The following DST variants were observed in gnomAD, a reference collection of about 807,000 sequenced individuals.
The protein encoded by DST is dystonin, also known as bullous pemphigoid antigen.
Under a neutral mutation model 875.2 loss-of-function variants are expected in DST, and 253 were observed. The ratio of observed to expected loss-of-function variants is 0.29; its 90% CI spans 0.26 to 0.32. The LOEUF (loss-of-function observed/expected upper bound fraction) is 0.32. DST is among the 10% of genes least tolerant of loss of function. The pLI, the probability that DST is intolerant of heterozygous loss-of-function variation, is 1.00. For missense variants in DST, 8,287 were observed against 9,111.6 expected (o/e 0.91, Z 3.68); for synonymous variants, 3,124 against 3,197.1 (o/e 0.98, Z 0.77).
intron 9 of DST, among the ~76,000 whole-genome samples, chr6:56,683,741 CT>C (rs2099167700): frequency 6.6e-6 from 1 of 152,192 alleles, no homozygotes; most frequent in Non-Finnish European, 1.5e-5. Context: ...GCCATGTAAA[CT>C]TTGTCATTTC....
At chr6:56,940,305 A>C (rs187459091) in intron 2 of DST, among the ~76,000 whole-genome samples, 5 of 152,086 alleles carry the variant, frequency 3.3e-5, no homozygotes, top group Non-Finnish European at 1.5e-5. Flanking sequence ...AAATATGTAC[A>C]TATATATTTC....
At chr6:56,787,770 A>T in intron 4 of DST, among the ~76,000 whole-genome samples, 1 of 152,226 alleles carries the variant, frequency 6.6e-6, no homozygotes, top group African/African-American at 2.4e-5. Context: ...CTATGAAAGT[A>T]CTATAATGTT....
Position 56,938,106 on chromosome 6 carries a change from C to CTATA in DST, c.216+15678_216+15679insTATA, listed in dbSNP as rs1278821103. ...TTTCTCTCTCTCTCTCTCTCTCTCT[C>CTATA]TCTATATATATATATATATATATAT... On this transcript the variant is annotated intron_variant, in intron 2 of 103. Coordinates refer to ENST00000680361, the MANE Select transcript of DST (RefSeq NM_001374736.1). 1.7e-3 allele frequency among the ~76,000 whole-genome samples: 50 copies of CTATA among 30,068 alleles called. 1 individual carries two copies. Among genetic ancestry groups the CTATA allele is most frequent in the African/African-American group, 4.6e-3 (50 of 10,964 alleles). 19.7% of individuals were successfully genotyped at this position (30,068 alleles called of 152,430 possible).
chr6:56,756,664 C>A (rs1337170692), intron 4 of DST, among the ~76,000 whole-genome samples: 1 of 152,186 alleles, frequency 6.6e-6, no homozygotes, highest in African/African-American at 2.4e-5. Flanking sequence ...CTGCCTTCAA[C>A]AACCAAGCAT....
rs766166428 is a variant in DST at position 56,606,875 on chromosome 6, T to C, written c.7753A>G (p.Ile2585Val). The change falls in exon 40 of 104, where the codon ATC (isoleucine) becomes GTC (valine). Residue 2585 changes from isoleucine (I) to valine (V), a missense_variant. This residue lies in a region of DST where 3,138 missense variants were observed against 3,116.6 expected (regional missense o/e 1.01). Coordinates refer to ENST00000680361, the MANE Select transcript of DST (RefSeq NM_001374736.1). ...GACGTTTCATAGTCACTAGCACTGATGGTTTCATCAAGCAATGGTGTAGCA... is the reference window on the plus strand; with the variant it reads ...GACGTTTCATAGTCACTAGCACTGACGGTTTCATCAAGCAATGGTGTAGCA... ...TCATPLLDETISASDYETSLL... is the reference protein window; with the variant it reads ...TCATPLLDETVSASDYETSLL... 18 of 1,613,238 alleles carry C rather than the reference T, an allele frequency of 1.1e-5. No individual in the cohort carries two copies. Among genetic ancestry groups the C allele is most frequent in the East Asian group, 6.7e-5 (3 of 44,882 alleles).
intron 9 of DST, among the ~76,000 whole-genome samples, chr6:56,675,537 C>T (rs2099123984): frequency 6.6e-6 from 1 of 152,078 alleles, no homozygotes; most frequent in Non-Finnish European, 1.5e-5. Context: ...ATATAAGGAA[C>T]TAAAACAACT....
chr6:56,517,202 A>C lies in DST; in HGVS notation c.18353T>G (p.Met6118Arg). The change falls in exon 71 of 104, where the codon ATG becomes AGG. Residue 6118 changes from methionine to arginine, a missense_variant. Physicochemically the swap from Met to Arg is moderately conservative, Grantham distance 91. Around this residue, in one of 10 missense-constraint regions of DST, gnomAD observed 1,292 missense variants for 1,552.7 expected, o/e 0.83. Coordinates refer to ENST00000680361, the MANE Select transcript of DST (RefSeq NM_001374736.1). ...AGTCCACAGACAAGATTATACCTTC[A>C]TTGATTGCTTTTCCTCTTCACTGCA... ...TACSEEEKQS[M>R]KKKLDKVLKN... 6.2e-7 allele frequency: 1 copy of C among 1,611,124 alleles called. No homozygotes were observed. The highest frequency in any genetic ancestry group is 2.2e-5 in the East Asian group (1 of 44,854).
intron 28 of DST, 92 bp from the exon 29 acceptor site, chr6:56,632,132 G>A (rs2098786465): frequency 1.1e-6 from 1 of 901,338 alleles, no homozygotes; most frequent in African/African-American, 1.7e-5. Context: ...ATATTACTGG[G>A]ACACAGCTAG....
intron 90 of DST, among the ~76,000 whole-genome samples, chr6:56,478,506 T>C (rs2095288775): frequency 6.6e-6 from 1 of 152,212 alleles, no homozygotes; most frequent in Admixed American, 6.5e-5. Context: ...TTCAAATAAA[T>C]GTTTTACAAA....
chr6:56,743,638 CATAT>C (rs1454411976), intron 4 of DST, among the ~76,000 whole-genome samples: 2 of 152,058 alleles, frequency 1.3e-5, no homozygotes, highest in Non-Finnish European at 2.9e-5. Context: ...TACACACACA[CATAT>C]ATAACACACA....
At chr6:56,770,431 T>C (rs1030554628) in intron 4 of DST, among the ~76,000 whole-genome samples, 4 of 152,208 alleles carry the variant, frequency 2.6e-5, no homozygotes, top group African/African-American at 9.6e-5. Context: ...ATCAGCTGAA[T>C]TTAATTTATA....
chr6:56,856,285 T>C (rs968705799), intron 3 of DST, among the ~76,000 whole-genome samples: 8 of 152,176 alleles, frequency 5.3e-5, no homozygotes, highest in African/African-American at 1.7e-4. Context: ...CACCCTGATC[T>C]GTAGGAAAGT....
At chr6:56,688,769 CAA>C (rs2099205600) in intron 9 of DST, among the ~76,000 whole-genome samples, 1 of 152,128 alleles carries the variant, frequency 6.6e-6, no homozygotes, top group African/African-American at 2.4e-5. Flanking sequence ...TTGTTATGAA[CAA>C]ACAATGAGAT....
intron 53 of DST, among the ~76,000 whole-genome samples, chr6:56,571,704 A>G (rs2097784258): frequency 6.6e-6 from 1 of 152,198 alleles, no homozygotes; most frequent in Admixed American, 6.5e-5. Context: ...GAAATTGCAC[A>G]TCGTTTCTGA....
At chr6:56,576,324 T>C (rs1400540065) in intron 50 of DST, among the ~76,000 whole-genome samples, 4 of 152,178 alleles carry the variant, frequency 2.6e-5, no homozygotes, top group African/African-American at 9.6e-5. Flanking sequence ...CTCTGAGTTC[T>C]GTGAGTCACT....
At chr6:56,733,265 CAA>C (rs2099509455) in intron 5 of DST, among the ~76,000 whole-genome samples, 1 of 152,056 alleles carries the variant, frequency 6.6e-6, no homozygotes, top group South Asian at 2.1e-4. Flanking sequence ...TCAATCTCCT[CAA>C]AAAGAGTCTG....
intron 64 of DST, 66 bp downstream of exon 64, chr6:56,532,278 A>T: frequency 1.4e-6 from 2 of 1,435,008 alleles, no homozygotes; most frequent in Middle Eastern, 3.5e-4. Context: ...ACAAAATACA[A>T]AATGTCAGTT....
chr6:56,815,536 C>T (rs2099765504), intron 4 of DST, among the ~76,000 whole-genome samples: 1 of 152,118 alleles, frequency 6.6e-6, no homozygotes, highest in African/African-American at 2.4e-5. Context: ...CACAGAAATA[C>T]TCTGCTTTTA....
intron 4 of DST, among the ~76,000 whole-genome samples, chr6:56,780,632 T>G (rs1463999610): frequency 1.3e-5 from 2 of 152,040 alleles, no homozygotes; most frequent in Admixed American, 1.3e-4. Flanking sequence ...ATTAGCCCTT[T>G]GTCAGATGAG....
Sources: allele counts gnomAD v4.1 joint callset (sites outside exome capture counted in the v4.1 genomes callset), GRCh38; gene constraint gnomAD v4.1.1; regional missense constraint gnomAD v4.1.1; transcripts MANE v1.5; gene names NCBI Gene and HGNC (gene_info 2026-07-23, HGNC 2026-07-21).